PLD3: variants seen among roughly 807,000 people sequenced by gnomAD.
PLD3 encodes 5'-3' exonuclease PLD3.
PLD3 carries 31 observed loss-of-function variants against 58.4 expected under a neutral mutation model. The observed-to-expected ratio is 0.53, with a 90% CI of 0.40 to 0.72. The LOEUF (loss-of-function observed/expected upper bound fraction) is 0.72, where lower values mean the gene tolerates loss of function less well. Ranked by LOEUF, PLD3 falls within the 30% of genes least tolerant of loss-of-function variation. The pLI is 0.00. For missense variants in PLD3, 595 were observed against 659.8 expected (o/e 0.90, Z 1.08); for synonymous variants, 264 against 273.4 (o/e 0.97, Z 0.34).
chr19:40,369,923 C>T lies in PLD3; in HGVS notation c.445C>T (p.Arg149Trp), dbSNP rs1017787217. The T allele has an allele frequency of 1.9e-5, 30 of 1,558,932 alleles. No homozygotes were observed. Among genetic ancestry groups the T allele is most frequent in the African/African-American group, 6.8e-5 (5 of 73,586 alleles). ...CTCCCCGCAGGGTGAGGAGGTCCTC[C>T]GGCAGCTGCAGACCCTGGCACCAAA... ...PSAQQGEEVL[R>W]QLQTLAPKGV... The change falls in exon 7 of 13, where the codon CGG becomes TGG. Residue 149 changes from arginine (R) to tryptophan (W), a missense_variant. Coordinates refer to ENST00000409735, the MANE Select transcript of PLD3 (RefSeq NM_012268.4).
At chr19:40,369,464 G>A (rs1600314420) in intron 6 of PLD3, among the ~76,000 whole-genome samples, 1 of 152,260 alleles carries the variant, frequency 6.6e-6, no homozygotes, top group Admixed American at 6.5e-5. Flanking sequence ...TGAGAATTCA[G>A]TGAGTTCGCT....
At chr19:40,355,125 C>T (rs976537716) in intron 1 of PLD3, among the ~76,000 whole-genome samples, 1 of 152,088 alleles carries the variant, frequency 6.6e-6, no homozygotes, top group African/African-American at 2.4e-5. Flanking sequence ...AAGCATGAGC[C>T]ACCATGCCCG....
chr19:40,357,921 C>T (rs1378663125), intron 1 of PLD3: 1 of 152,184 alleles, frequency 6.6e-6, no homozygotes, highest in Non-Finnish European at 1.5e-5. Flanking sequence ...TATTATTAAT[C>T]TCCACATTGT....
intron 10 of PLD3, 166 bp downstream of exon 10, chr19:40,374,786 C>T (rs1259065797): frequency 1.5e-6 from 1 of 661,062 alleles, no homozygotes; most frequent in Non-Finnish European, 2.6e-6. Context: ...GGTATCTAGG[C>T]ACTTGAGACA....
chr19:40,375,477 C>T (rs1298782166), intron 10 of PLD3, among the ~76,000 whole-genome samples: 23 of 150,846 alleles, frequency 1.5e-4, no homozygotes, highest in East Asian at 7.9e-4. Context: ...GGTGAAGCCC[C>T]GTCTCTACTA....
chr19:40,349,204 C>T (rs2078417640), intron 1 of PLD3, among the ~76,000 whole-genome samples: 1 of 152,066 alleles, frequency 6.6e-6, no homozygotes, highest in East Asian at 1.9e-4. Flanking sequence ...TCATCATACC[C>T]CCAAGTCACC....
rs750540651 is a variant in PLD3, at chr19:40,366,649, A to G, written c.67A>G (p.Met23Val). The change falls in exon 4 of 13, where the codon ATG (methionine) becomes GTG (valine). Residue 23 changes from methionine (M) to valine (V), a missense_variant. Transcript: ENST00000409735. The stretch of plus-strand genomic sequence containing the variant: ...AGAGGAGCCCGCCAATGAGCTGCCC[A>G]TGAATGAGATTGAGGCGTGGAAGGC... ...PAEEPANELP[M>V]NEIEAWKAAE... The G allele has an allele frequency of 6.3e-7, 1 of 1,592,972 alleles. No individual in the cohort carries two copies. The highest frequency in any genetic ancestry group is 8.6e-7 in the Non-Finnish European group (1 of 1,167,534).
At chr19:40,367,190 C>T in intron 5 of PLD3, 1 of 453,296 alleles carries the variant, frequency 2.2e-6, no homozygotes, top group Non-Finnish European at 3.9e-6. Flanking sequence ...GACCTTCCTT[C>T]CACACCTCTA....
intron 1 of PLD3, chr19:40,356,982 T>C (rs2078670487): frequency 6.6e-6 from 1 of 152,212 alleles, no homozygotes; most frequent in African/African-American, 2.4e-5. Flanking sequence ...TTAATTGTTT[T>C]TCAGACTGAC....
intron 2 of PLD3, chr19:40,366,175 G>C (rs2078916927): frequency 2.1e-6 from 1 of 483,804 alleles, no homozygotes; most frequent in Non-Finnish European, 3.7e-6. Flanking sequence ...CTAGAGGGGA[G>C]CTGCGTGGGT....
intron 5 of PLD3, 96 bp downstream of exon 5, chr19:40,367,011 G>A: frequency 7.2e-7 from 1 of 1,393,002 alleles, no homozygotes. Flanking sequence ...GCCCTACCCA[G>A]CGCTTGCGAC....
intron 9 of PLD3, 31 bp downstream of exon 9, chr19:40,371,904 T>C: frequency 6.4e-7 from 1 of 1,558,512 alleles, no homozygotes; most frequent in Non-Finnish European, 8.8e-7. Flanking sequence ...GCCTGTCATG[T>C]CCCAGCCCCA....
intron 1 of PLD3, chr19:40,358,952 G>A (rs2078715756): frequency 6.6e-6 from 1 of 152,290 alleles, no homozygotes. Flanking sequence ...AGGGGGGCAG[G>A]ACCACAAGGC....
At chr19:40,355,612 CTTTTTTTTTT>C (rs60422933) in intron 1 of PLD3, among the ~76,000 whole-genome samples, 3 of 81,106 alleles carry the variant, frequency 3.7e-5, no homozygotes, top group East Asian at 4.0e-4. Context: ...GTGCCGGCTC[CTTTTTTTTTT>C]TTTTTTTTTT....
intron 1 of PLD3, among the ~76,000 whole-genome samples, chr19:40,355,612 C>CTTTTT (rs60422933): frequency 4.9e-5 from 4 of 81,098 alleles, no homozygotes; most frequent in Admixed American, 1.7e-4. Context: ...GTGCCGGCTC[C>CTTTTT]TTTTTTTTTT....
chr19:40,371,782 C>G lies in PLD3; in HGVS notation c.788C>G (p.Ser263Ter). ...FLGQAGSSIP[S>*]TWPRFYDTRY... ...GGCCAGGCAGGCAGCTCCATCCCAT[C>G]AACTTGGCCCCGGTTCTATGACACC... The change falls in exon 9 of 13, where the codon TCA (serine) becomes TGA (stop). Residue 263 changes from serine (S) to a stop codon, truncating the protein, a stop_gained. Transcript: ENST00000409735. LOFTEE classifies it high-confidence loss of function. 6.2e-7 allele frequency: 1 copy of G among 1,614,090 alleles called. No individual in the cohort carries two copies. Among genetic ancestry groups the G allele is most frequent in the Non-Finnish European group, 8.5e-7 (1 of 1,180,006 alleles).
chr19:40,354,195 T>C (rs1486979880), intron 1 of PLD3, among the ~76,000 whole-genome samples: 1 of 148,266 alleles, frequency 6.7e-6, no homozygotes, highest in Non-Finnish European at 1.5e-5. Flanking sequence ...TGCCTCAGCC[T>C]CCTGAGTAGC....
rs189219741 is a variant in PLD3 at position 40,364,688 on chromosome 19, C to G, written c.-278-1030C>G. Among the ~76,000 whole-genome samples the G allele has an allele frequency of 5.9e-3, 893 of 150,728 alleles. 7 individuals are homozygous for G. The highest frequency in any genetic ancestry group is 0.02 in the African/African-American group (824 of 41,006). ...GCGGGCGCCTGTAGTCCCAGCTACT[C>G]GGGAAGCTGAGGTGGGCGAATTGCT... is the stretch of plus-strand genomic sequence containing the variant. On this transcript the variant is annotated intron_variant, in intron 1 of 12. Coordinates refer to ENST00000409735, the MANE Select transcript of PLD3 (RefSeq NM_012268.4).
Position 40,376,764 on chromosome 19 carries a change from A to G in PLD3, c.1175A>G (p.Asp392Gly). 6.3e-7 allele frequency: 1 copy of G among 1,599,632 alleles called. No homozygotes were observed. Among genetic ancestry groups the G allele is most frequent in the Non-Finnish European group, 8.5e-7 (1 of 1,179,782 alleles). Reference sequence around the variant, plus strand: ...CTGCGTGACAACCATACCCACTCTGACATCCAGGTGGTAAGTACTGCCCCA... The same window carrying G: ...CTGCGTGACAACCATACCCACTCTGGCATCCAGGTGGTAAGTACTGCCCCA... ...AALRDNHTHS[D>G]IQVKLFVVPA... Residue 392 changes from aspartate (D) to glycine (G), a missense_variant, in exon 11 of 13, where the codon GAC becomes GGC. Transcript: ENST00000409735.
Sources: allele counts gnomAD v4.1 joint callset (sites outside exome capture counted in the v4.1 genomes callset), GRCh38; gene constraint gnomAD v4.1.1; transcripts MANE v1.5; gene names NCBI Gene and HGNC (gene_info 2026-07-23, HGNC 2026-07-21).